The following GABRA5 variants were observed in gnomAD, a reference collection of about 807,000 sequenced individuals.
The protein encoded by GABRA5 is gamma-aminobutyric acid type A receptor subunit alpha5.
Under a neutral mutation model 47.3 loss-of-function variants are expected in GABRA5, and 18 were observed. The observed-to-expected ratio is 0.38, with a 90% CI of 0.26 to 0.56. GABRA5 has a LOEUF of 0.56. Ranked by LOEUF, GABRA5 falls within the 20% of genes least tolerant of loss-of-function variation. GABRA5 has a pLI of 0.71. For missense variants in GABRA5, 365 were observed against 599.3 expected, an observed-to-expected ratio of 0.61 and a Z score of 4.08; for synonymous variants, 237 against 229.3, an observed-to-expected ratio of 1.03 and a Z score of -0.30.
chr15:26,878,532 G>T lies in GABRA5; in HGVS notation c.87-2314G>T, dbSNP rs1038072967. Among the ~76,000 whole-genome samples the T allele has an allele frequency of 4.6e-5, 7 of 152,222 alleles. No homozygotes were observed. The East Asian group carries it at 9.7e-4, about 21-fold the overall frequency. On this transcript the variant is annotated intron_variant, in intron 3 of 10. Transcript: ENST00000335625. ...CAAACAAACAAAAAAAAACCCCTCT[G>T]CTCCTACCCCGATAGGCATCATCAG...
chr15:26,890,566 G>A (rs890292269), intron 6 of GABRA5, among the ~76,000 whole-genome samples: 3 of 151,730 alleles, frequency 2.0e-5, no homozygotes, highest in Non-Finnish European at 2.9e-5. Flanking sequence ...GTCTGGTCCC[G>A]CCGATCTCCC....
At chr15:26,877,232 C>T (rs1892621372) in intron 3 of GABRA5, among the ~76,000 whole-genome samples, 1 of 152,162 alleles carries the variant, frequency 6.6e-6, no homozygotes, top group South Asian at 2.1e-4. Context: ...TTATTTGGAA[C>T]CCTGGGATTG....
chr15:26,903,076 C>A (rs919161610), intron 6 of GABRA5, among the ~76,000 whole-genome samples: 1 of 151,964 alleles, frequency 6.6e-6, no homozygotes, highest in African/African-American at 2.4e-5. Flanking sequence ...GCCTAGTAGC[C>A]AATAGTTATT....
In GABRA5 at chr15:26,867,806, G is replaced by A. The variant is rs1162062802; in HGVS notation, c.-140+695G>A. 1.3e-5 allele frequency: 2 copies of A among 152,090 alleles called. No homozygotes were observed. Among genetic ancestry groups the A allele is most frequent in the East Asian group, 3.9e-4 (2 of 5,106 alleles). 9.4% of individuals were successfully genotyped at this position (152,090 alleles called of 1,614,324 possible). A position where few individuals can be genotyped will look rare whatever the true frequency, so the allele number is the denominator to read the frequency against. On this transcript the variant is annotated intron_variant, in intron 1 of 10. Coordinates refer to ENST00000335625, the MANE Select transcript of GABRA5 (RefSeq NM_000810.4). This position sits in a 1 kb window ranked among gnomAD's most constrained non-coding sequence, Gnocchi z 5.9. The stretch of plus-strand genomic sequence containing the variant: ...GGGTGGACTCGGACCCCGCGGGGGT[G>A]TCGCGCGCGTGTCGCGCGGGCTGCT...
At chr15:26,924,471 CCATA>C (rs1401916809) in intron 7 of GABRA5, among the ~76,000 whole-genome samples, 1 of 152,098 alleles carries the variant, frequency 6.6e-6, no homozygotes, top group East Asian at 1.9e-4. Context: ...GACATGACTC[CCATA>C]AAGAGCAAGA....
intron 3 of GABRA5, among the ~76,000 whole-genome samples, chr15:26,874,495 G>A (rs943721635): frequency 3.3e-5 from 5 of 152,128 alleles, no homozygotes; most frequent in African/African-American, 4.8e-5. Flanking sequence ...GCCTGCTCCA[G>A]AATGTCCTAA....
chr15:26,920,797 T>G (rs1323178966), intron 7 of GABRA5, among the ~76,000 whole-genome samples: 8 of 152,190 alleles, frequency 5.3e-5, no homozygotes, highest in African/African-American at 1.9e-4. Flanking sequence ...CAAACTCACT[T>G]TCTTTATTCT....
At position 26,867,145 on chromosome 15, in the gene GABRA5, G is replaced by T. The variant is rs1892332822; in HGVS notation, c.-140+34G>T. The T allele has an allele frequency of 6.6e-6, 1 of 150,414 alleles. No homozygotes were observed. The highest frequency in any genetic ancestry group is 1.8e-4 in the South Asian group (1 of 5,580). 9.3% of individuals were successfully genotyped at this position (150,414 alleles called of 1,614,324 possible). ...GGGCGCGAGTGCGCCGGGGGCGCTG[G>T]GGGGCTCTGCGGCGGGCGGCGCGCG... On this transcript the variant is annotated intron_variant, in intron 1 of 10. Transcript: ENST00000335625. This position sits in a 1 kb window ranked among gnomAD's most constrained non-coding sequence, Gnocchi z 5.9.
chr15:26,946,033 G>A (rs916985058), intron 10 of GABRA5, among the ~76,000 whole-genome samples: 5 of 152,180 alleles, frequency 3.3e-5, no homozygotes, highest in African/African-American at 1.2e-4. Flanking sequence ...GCATTTCCGA[G>A]GTGTGGCCCG....
chr15:26,871,955 A>G (rs1012742467), intron 3 of GABRA5, among the ~76,000 whole-genome samples: 2 of 152,172 alleles, frequency 1.3e-5, no homozygotes, highest in African/African-American at 4.8e-5. Context: ...AGGTTCTTTG[A>G]GCACTTTTCA....
intron 6 of GABRA5, among the ~76,000 whole-genome samples, chr15:26,895,801 C>G: frequency 9.9e-6 from 1 of 100,694 alleles, no homozygotes; most frequent in African/African-American, 4.7e-5. Flanking sequence ...GGCGACAGAG[C>G]AAGACTCCGT....
rs117481858 is a variant in GABRA5 at position 26,885,917 on chromosome 15, G to A, written c.497+2360G>A. On this transcript the variant is annotated intron_variant, in intron 6 of 10. Transcript: ENST00000335625. ...GAATGAGAATACACTCCTGGTCCTC[G>A]TCGGACTAGTGTTCTTGATTCTCAT... Among the ~76,000 whole-genome samples the A allele has an allele frequency of 5.5e-4, 84 of 152,266 alleles. No individual in the cohort carries two copies. In the East Asian group the frequency reaches 9.5e-3, roughly 17 times the overall value.
chr15:26,891,608 G>A (rs1193529657), intron 6 of GABRA5, among the ~76,000 whole-genome samples: 1 of 152,170 alleles, frequency 6.6e-6, no homozygotes, highest in Non-Finnish European at 1.5e-5. Context: ...TTAAAGCCCC[G>A]GATTCACCGA....
At chr15:26,921,619 T>G (rs1893845217) in intron 7 of GABRA5, among the ~76,000 whole-genome samples, 1 of 152,124 alleles carries the variant, frequency 6.6e-6, no homozygotes, top group South Asian at 2.1e-4. Context: ...CTTTTTATTT[T>G]CTTTCTTTTG....
At chr15:26,887,642 G>A (rs1425183694) in intron 6 of GABRA5, among the ~76,000 whole-genome samples, 1 of 152,104 alleles carries the variant, frequency 6.6e-6, no homozygotes, top group Admixed American at 6.6e-5. Context: ...GTGAGCCACT[G>A]CACCCAGCCC....
chr15:26,902,306 A>G (rs1245198241), intron 6 of GABRA5, among the ~76,000 whole-genome samples: 1 of 152,002 alleles, frequency 6.6e-6, no homozygotes, highest in Non-Finnish European at 1.5e-5. Context: ...TTGTTCTTTA[A>G]TTTATTTTAT....
At position 26,885,121 on chromosome 15, in the gene GABRA5, C is replaced by T. The variant is rs547234791; in HGVS notation, c.497+1564C>T. ...ACCATCCTGGCTAACTTGGTGAAACCCCGTCTCTACTAAAAAAAATACAAA... is the reference window on the plus strand; with the variant it reads ...ACCATCCTGGCTAACTTGGTGAAACTCCGTCTCTACTAAAAAAAATACAAA... On this transcript the variant is annotated intron_variant, in intron 6 of 10. Coordinates refer to ENST00000335625, the MANE Select transcript of GABRA5 (RefSeq NM_000810.4). Among the ~76,000 whole-genome samples, 29 of 151,962 alleles carry T rather than the reference C, an allele frequency of 1.9e-4. 1 individual carries two copies. The highest frequency in any genetic ancestry group is 3.4e-3 in the Middle Eastern group (1 of 294).
Position 26,911,388 on chromosome 15 carries a change from C to CACACACACACACACACACACAA in GABRA5, c.498-3406_498-3405insCACACACACACAAACACACACA, listed in dbSNP as rs879417314. Among the ~76,000 whole-genome samples, 5 of 146,766 alleles carry CACACACACACACACACACACAA rather than the reference C, an allele frequency of 3.4e-5. No individual in the cohort carries two copies. The East Asian group carries it at 1.0e-3, about 30-fold the overall frequency. Reference sequence around the variant, plus strand: ...TGCTGCATGCACACACACACACACACACACACACAAACACACACACTCCTG... The same window carrying CACACACACACACACACACACAA: ...TGCTGCATGCACACACACACACACACACACACACACACACACACACAAACACACACAAACACACACACTCCTG... On this transcript the variant is annotated intron_variant, in intron 6 of 10. Transcript: ENST00000335625.
At chr15:26,939,472 C>T (rs1283930853) in intron 8 of GABRA5, 1 of 748,206 alleles carries the variant, frequency 1.3e-6, no homozygotes, top group Non-Finnish European at 2.4e-6. Flanking sequence ...AGCACAGGGC[C>T]TGCTGCTGGT....
Sources: allele counts gnomAD v4.1 joint callset (sites outside exome capture counted in the v4.1 genomes callset), GRCh38; gene constraint gnomAD v4.1.1; non-coding constraint Gnocchi (gnomAD v3.1); transcripts MANE v1.5; gene names NCBI Gene and HGNC (gene_info 2026-07-23, HGNC 2026-07-21).